TET3: variants seen among roughly 807,000 people sequenced by gnomAD.
The protein encoded by TET3 is tet methylcytosine dioxygenase 3.
In TET3, 19 loss-of-function variants were observed where a neutral mutation model predicts 141.4. The ratio of observed to expected loss-of-function variants is 0.13; its 90% CI spans 0.09 to 0.20. TET3 has a LOEUF of 0.20. Ranked by LOEUF, TET3 falls within the 10% of genes least tolerant of loss-of-function variation. The pLI is 1.00. For missense variants in TET3, 1,874 were observed against 2,356.9 expected (o/e 0.80, Z 4.24); for synonymous variants, 1,043 against 980.9 (o/e 1.06, Z -1.18).
At position 73,985,120 on chromosome 2, in the gene TET3, T is replaced by C. The variant is rs1279680592; in HGVS notation, c.-462T>C. 7.0e-6 allele frequency: 1 copy of C among 142,130 alleles called. No homozygotes were observed. Among genetic ancestry groups the C allele is most frequent in the Non-Finnish European group, 1.6e-5 (1 of 64,484 alleles). The allele number at this position is 142,130 out of a possible 1,614,324, so 8.8% of individuals were successfully genotyped here. A position where few individuals can be genotyped will look rare whatever the true frequency, so the allele number is the denominator to read the frequency against. On this transcript the variant is annotated 5_prime_UTR_variant, in exon 1 of 12. Transcript: ENST00000409262. ...GGCGGCGGCGCGGGCCGGGAAACTT[T>C]GCCCCTTTGTGCGCTCCGCCCCGGA...
intron 2 of TET3, among the ~76,000 whole-genome samples, chr2:73,988,963 C>T (rs1365811929): frequency 2.2e-5 from 3 of 135,996 alleles, no homozygotes; most frequent in Admixed American, 7.4e-5. Context: ...AAATGGTAAC[C>T]AGTGCCTCTC....
At position 74,099,542 on chromosome 2, in the gene TET3, G is replaced by A. The variant is rs1691042425; in HGVS notation, c.3534G>A (p.Lys1178=). ...CAGCCGAGAAGAAGAAGATTCAGAA[G>A]GAGAAGCTGAGCACTCCGGAGAAGA... ...KAAAEKKKIQ[K]EKLSTPEKIK... is the part of the protein sequence containing the mutation. Residue 1178 remains lysine (K), a synonymous_variant, in exon 11 of 12, where the codon AAG becomes AAA. Coordinates refer to ENST00000409262, the MANE Select transcript of TET3 (RefSeq NM_001287491.2). 1.9e-6 allele frequency: 3 copies of A among 1,611,252 alleles called. No homozygotes were observed. The South Asian group carries it at 3.3e-5, about 18-fold the overall frequency.
the TET3 span, chr2:74,134,781 C>A: frequency 2.2e-6 from 1 of 456,728 alleles, no homozygotes; most frequent in Non-Finnish European, 4.4e-6. Flanking sequence ...ACACCGTGAC[C>A]ACCACCATGG....
Position 74,105,061 on chromosome 2 carries a change from GCTTT to G in TET3, c.*2889_*2892del, listed in dbSNP as rs574425123. On this transcript the variant is annotated 3_prime_UTR_variant, in exon 12 of 12. Transcript: ENST00000409262. ...TCTTTATCCCCCCCTTGCTGCTGAA[GCTTT>G]CTTAAAGAGAAAAATCAAATTTTTA... 8.1e-4 allele frequency: 322 copies of G among 397,874 alleles called. 1 individual carries two copies. In the East Asian group the frequency reaches 0.011, roughly 14 times the overall value. The allele number at this position is 397,874 out of a possible 1,614,324, so 24.6% of individuals were successfully genotyped here.
intron 3 of TET3, among the ~76,000 whole-genome samples, chr2:74,010,298 TG>T (rs935155197): frequency 9.2e-5 from 14 of 152,278 alleles, no homozygotes; most frequent in African/African-American, 3.4e-4. Context: ...CGCCTCCATG[TG>T]GGGGGTGTTG....
intron 5 of TET3, among the ~76,000 whole-genome samples, chr2:74,076,155 A>G (rs1197334865): frequency 6.6e-6 from 1 of 151,886 alleles, no homozygotes; most frequent in African/African-American, 2.4e-5. Context: ...AGGTTGACAT[A>G]TGTCTTTTTT....
chr2:74,007,456 A>G (rs945448643), intron 3 of TET3, among the ~76,000 whole-genome samples: 41 of 152,226 alleles, frequency 2.7e-4, no homozygotes, highest in Admixed American at 2.7e-3. Flanking sequence ...ACATGTTGGC[A>G]TTAGATGTTT....
chr2:74,083,418 G>C (rs1468509761), intron 6 of TET3, among the ~76,000 whole-genome samples: 1 of 152,216 alleles, frequency 6.6e-6, no homozygotes, highest in Non-Finnish European at 1.5e-5. Context: ...GAAGCCGCAG[G>C]TGTTAGAACC....
At position 74,102,547 on chromosome 2, in the gene TET3, C is replaced by T. The variant is rs2104242616; in HGVS notation, c.*371C>T. ...ATAATGGAAAGAAAGTTTATAGTATCCTTTCACAAAGGAGTAGTTTTAAAT... is the reference window on the plus strand; with the variant it reads ...ATAATGGAAAGAAAGTTTATAGTATTCTTTCACAAAGGAGTAGTTTTAAAT... On this transcript the variant is annotated 3_prime_UTR_variant, in exon 12 of 12. Transcript: ENST00000409262. 6.2e-6 allele frequency: 1 copy of T among 160,852 alleles called. No individual in the cohort carries two copies. The highest frequency in any genetic ancestry group is 1.8e-4 in the East Asian group (1 of 5,708). The allele number at this position is 160,852 out of a possible 1,614,324, so 10.0% of individuals were successfully genotyped here. A position where few individuals can be genotyped will look rare whatever the true frequency, so the allele number is the denominator to read the frequency against.
Position 74,013,283 on chromosome 2 carries a change from C to T in TET3, c.360+10117C>T, listed in dbSNP as rs947859948. ...TGCTGGGATTACAGGCATGAGCCAC[C>T]GCGCCTGGCCTGATGGGGTATTTTT... On this transcript the variant is annotated intron_variant, in intron 3 of 11. Coordinates refer to ENST00000409262, the MANE Select transcript of TET3 (RefSeq NM_001287491.2). 5.9e-5 allele frequency among the ~76,000 whole-genome samples: 9 copies of T among 151,636 alleles called. No homozygotes were observed. In the East Asian group the frequency reaches 7.8e-4, roughly 13 times the overall value.
chr2:74,109,855 CTA>C (rs1238510534), downstream of TET3, among the ~76,000 whole-genome samples: 1 of 152,202 alleles, frequency 6.6e-6, no homozygotes, highest in East Asian at 1.9e-4. Context: ...TCTGGACACA[CTA>C]TTTTTATGAG....
At chr2:74,005,565 G>A (rs1685109722) in intron 3 of TET3, among the ~76,000 whole-genome samples, 2 of 152,154 alleles carry the variant, frequency 1.3e-5, no homozygotes, top group Admixed American at 1.3e-4. Context: ...AGAAGGATAT[G>A]TCTGATGTGT....
chr2:74,114,329 G>T, the TET3 span, among the ~76,000 whole-genome samples: 35 of 152,050 alleles, frequency 2.3e-4, no homozygotes, highest in South Asian at 7.1e-3. Context: ...GGAGGATAAG[G>T]GATAAAATAC....
rs946522365 is a variant in TET3, at chr2:74,047,591, C to T, written c.1674C>T (p.Gly558=). Residue 558 remains glycine (G), a synonymous_variant, in exon 4 of 12, where the codon GGC becomes GGT. Coordinates refer to ENST00000409262, the MANE Select transcript of TET3 (RefSeq NM_001287491.2). ...CTCCTTCAGAGCCTTCTGCTCCTGG[C>T]TGGTGGCCCCCACCAAGTTCACCTG... ...FPAPSEPSAP[G]WWPPPSSPVP... is the part of the protein sequence containing the mutation. 3.7e-6 allele frequency: 6 copies of T among 1,613,798 alleles called. No homozygotes were observed. The highest frequency in any genetic ancestry group is 5.1e-6 in the Non-Finnish European group (6 of 1,179,868).
At chr2:74,089,218 C>T (rs1690339344) in intron 7 of TET3, among the ~76,000 whole-genome samples, 1 of 152,090 alleles carries the variant, frequency 6.6e-6, no homozygotes, top group Non-Finnish European at 1.5e-5. Context: ...TGTAGGTTTA[C>T]CTCTGTGAGA....
the TET3 span, among the ~76,000 whole-genome samples, chr2:74,119,497 TCTTC>T: frequency 6.6e-6 from 1 of 152,344 alleles, no homozygotes; most frequent in East Asian, 1.9e-4. Flanking sequence ...TGATGTGTGT[TCTTC>T]CTGTTCCTCA....
chr2:74,092,916 G>T lies in TET3; in HGVS notation c.3054G>T (p.Arg1018=), dbSNP rs1161166126. The part of the protein sequence containing the change: ...GDNPKEEEVL[R]KSFQDLATEV... ...TCTCTCTGCAGGAAGAAGTGCTCCG[G>T]AAGAGTTTCCAGGACCTGGCCACCG... The change falls in exon 9 of 12, where the codon CGG becomes CGT. Residue 1018 remains arginine, a synonymous_variant. Transcript: ENST00000409262. 1.9e-6 allele frequency: 3 copies of T among 1,589,696 alleles called. No individual in the cohort carries two copies. Among genetic ancestry groups the T allele is most frequent in the East Asian group, 2.3e-5 (1 of 43,592 alleles).
intron 4 of TET3, among the ~76,000 whole-genome samples, chr2:74,061,210 C>G (rs1437341578): frequency 2.7e-5 from 4 of 147,870 alleles, no homozygotes; most frequent in African/African-American, 9.9e-5. Context: ...CCCCCACCTC[C>G]CTCCCGGACG....
chr2:74,106,002 A>ATG lies in TET3; in HGVS notation c.*3829_*3830dup. 6.5e-6 allele frequency: 1 copy of ATG among 153,404 alleles called. No homozygotes were observed. Among genetic ancestry groups the ATG allele is most frequent in the East Asian group, 1.9e-4 (1 of 5,190 alleles). 9.5% of individuals were successfully genotyped at this position (153,404 alleles called of 1,614,324 possible). On this transcript the variant is annotated 3_prime_UTR_variant, in exon 12 of 12. Transcript: ENST00000409262. The stretch of plus-strand genomic sequence containing the variant: ...AATAAAATGGTGCTATGGTGTTTTA[A>ATG]TGTGACTGTCCCTGATCCTGTCTTG...
Sources: gnomAD v4.1 joint callset for allele counts (sites outside exome capture counted in the v4.1 genomes callset) on GRCh38, gnomAD v4.1.1 for gene constraint, MANE v1.5 for transcripts, NCBI Gene and HGNC (gene_info 2026-07-23, HGNC 2026-07-21) for gene names.